OPCML: variants seen among roughly 807,000 people sequenced by gnomAD.
The protein encoded by OPCML is opioid-binding protein/cell adhesion molecule.
A neutral mutation model predicts 37.8 loss-of-function variants in OPCML; 13 were observed. The ratio of observed to expected loss-of-function variants is 0.34; its 90% CI spans 0.22 to 0.55. OPCML has a LOEUF of 0.55. OPCML is among the 20% of genes least tolerant of loss of function. The pLI, the probability that OPCML is intolerant of heterozygous loss-of-function variation, is 0.91. For synonymous variants in OPCML, 176 were observed against 168.8 expected (o/e 1.04, Z -0.33); for missense variants, 341 against 435.6 (o/e 0.78, Z 1.93).
At chr11:132,631,482 C>A (rs1451087690) in intron 3 of OPCML, among the ~76,000 whole-genome samples, 1 of 149,906 alleles carries the variant, frequency 6.7e-6, no homozygotes, top group Admixed American at 6.7e-5. Context: ...TTTTTTGAGA[C>A]GGAGTCTGGC....
At position 133,078,157 on chromosome 11, in the gene OPCML, T is replaced by C. The variant is rs1345492191; in HGVS notation, c.62-135147A>G. On this transcript the variant is annotated intron_variant, in intron 1 of 7. Transcript: ENST00000524381. ...TGTAGAGAAGGGGACCGGACAGACATACTTGAGGTGCACACCAAGCAGGGG... is the reference window on the plus strand; with the variant it reads ...TGTAGAGAAGGGGACCGGACAGACACACTTGAGGTGCACACCAAGCAGGGG... Among the ~76,000 whole-genome samples, 4 of 151,908 alleles carry C rather than the reference T, an allele frequency of 2.6e-5. No individual in the cohort carries two copies. The East Asian group carries it at 5.8e-4, about 22-fold the overall frequency.
At chr11:133,371,181 A>C (rs1944666369) in intron 1 of OPCML, among the ~76,000 whole-genome samples, 1 of 152,236 alleles carries the variant, frequency 6.6e-6, no homozygotes, top group South Asian at 2.1e-4. Flanking sequence ...GAAGATGCAG[A>C]GTAAAGGAGG....
intron 1 of OPCML, among the ~76,000 whole-genome samples, chr11:133,019,848 G>A (rs111260281): frequency 4.8e-4 from 73 of 152,238 alleles, no homozygotes; most frequent in Non-Finnish European, 8.8e-4. Context: ...GTCATTCTCC[G>A]GAATTGCCCT....
chr11:133,085,332 C>A (rs1335394680), intron 1 of OPCML, among the ~76,000 whole-genome samples: 2 of 152,146 alleles, frequency 1.3e-5, no homozygotes, highest in African/African-American at 2.4e-5. Context: ...ATACACAATA[C>A]CTCCTTTCTG....
chr11:132,754,226 A>G (rs1945949206), intron 2 of OPCML, among the ~76,000 whole-genome samples: 1 of 152,108 alleles, frequency 6.6e-6, no homozygotes, highest in African/African-American at 2.4e-5. Context: ...TTACTCCATG[A>G]TATGGTTTGG....
intron 1 of OPCML, among the ~76,000 whole-genome samples, chr11:132,992,232 A>G (rs1946795717): frequency 6.6e-6 from 1 of 152,048 alleles, no homozygotes; most frequent in Non-Finnish European, 1.5e-5. Flanking sequence ...TGTTTAGGCA[A>G]CTGCTTCTGT....
chr11:132,988,377 TATGCTTTTTCCA>T (rs1946718021), intron 1 of OPCML, among the ~76,000 whole-genome samples: 2 of 152,220 alleles, frequency 1.3e-5, no homozygotes, highest in Non-Finnish European at 2.9e-5. Context: ...TGTAGCCCTA[TATGCTTTTTCCA>T]ATGTCTGTCT....
chr11:132,446,469 A>G (rs973380175), intron 4 of OPCML, among the ~76,000 whole-genome samples: 5 of 152,152 alleles, frequency 3.3e-5, no homozygotes, highest in African/African-American at 1.2e-4. Flanking sequence ...GGCCAAAAAA[A>G]GTCGCTAGCA....
rs1269930526 is a variant in OPCML, at chr11:132,469,761, T to TGTGTGTGTATGTGTGGAGGG, written c.506-32422_506-32403dup. Reference sequence around the variant, plus strand: ...GTGTGTATGTGTGGAGGGGTGTGAGTGTGTGTGTATGTGTGGAGGGGTGTG... The same window carrying TGTGTGTGTATGTGTGGAGGG: ...GTGTGTATGTGTGGAGGGGTGTGAGTGTGTGTGTATGTGTGGAGGGGTGTGTGTATGTGTGGAGGGGTGTG... On this transcript the variant is annotated intron_variant, in intron 4 of 7. Coordinates refer to ENST00000524381, the MANE Select transcript of OPCML (RefSeq NM_001012393.5). Among the ~76,000 whole-genome samples the TGTGTGTGTATGTGTGGAGGG allele has an allele frequency of 4.9e-3, 541 of 111,156 alleles. 10 individuals carry two copies. The highest frequency in any genetic ancestry group is 0.039 in the East Asian group (102 of 2,616). 72.9% of individuals were successfully genotyped at this position (111,156 alleles called of 152,430 possible).
chr11:132,708,053 A>G (rs1477068397), intron 2 of OPCML, among the ~76,000 whole-genome samples: 1 of 152,212 alleles, frequency 6.6e-6, no homozygotes, highest in Admixed American at 6.5e-5. Flanking sequence ...CCAAAATTCA[A>G]CTGTTGAGTT....
chr11:132,456,652 T>C (rs1302017654), intron 4 of OPCML, among the ~76,000 whole-genome samples: 1 of 152,206 alleles, frequency 6.6e-6, no homozygotes, highest in East Asian at 1.9e-4. Context: ...CCATGAAGAA[T>C]CAATGGCATT....
intron 1 of OPCML, among the ~76,000 whole-genome samples, chr11:133,327,328 T>A (rs1198036784): frequency 2.0e-5 from 3 of 151,906 alleles, no homozygotes; most frequent in Non-Finnish European, 4.4e-5. Context: ...ATTTGTATAT[T>A]TTGGCACCAG....
intron 3 of OPCML, among the ~76,000 whole-genome samples, chr11:132,548,053 C>T (rs1232334815): frequency 6.6e-6 from 1 of 152,102 alleles, no homozygotes; most frequent in African/African-American, 2.4e-5. Context: ...GCAGAAACAG[C>T]ATTTGGGAGG....
At chr11:132,761,136 T>C (rs192413378) in intron 2 of OPCML, among the ~76,000 whole-genome samples, 144 of 152,306 alleles carry the variant, frequency 9.5e-4, no homozygotes, top group African/African-American at 2.7e-3. Flanking sequence ...CCCACTCTCT[T>C]CTGGCTTGTA....
chr11:133,082,928 C>G (rs1166491847), intron 1 of OPCML, among the ~76,000 whole-genome samples: 2 of 150,374 alleles, frequency 1.3e-5, no homozygotes, highest in South Asian at 4.2e-4. Flanking sequence ...CGCCAGGGGC[C>G]GGGGCGGACG....
chr11:133,199,106 G>A (rs1054762419), intron 1 of OPCML, among the ~76,000 whole-genome samples: 1 of 152,054 alleles, frequency 6.6e-6, no homozygotes, highest in Non-Finnish European at 1.5e-5. Context: ...TGTAAACAAC[G>A]GGGGGCTCTA....
intron 1 of OPCML, among the ~76,000 whole-genome samples, chr11:133,412,971 G>T (rs1302555159): frequency 6.6e-6 from 1 of 152,066 alleles, no homozygotes; most frequent in East Asian, 1.9e-4. Context: ...TCTTTGGGAG[G>T]ACTTACATTT....
At chr11:133,134,121 A>G (rs1949646155) in intron 1 of OPCML, among the ~76,000 whole-genome samples, 3 of 152,104 alleles carry the variant, frequency 2.0e-5, no homozygotes, top group Non-Finnish European at 4.4e-5. Context: ...GCTGCCTGCA[A>G]GCTTGTGTAT....
intron 2 of OPCML, among the ~76,000 whole-genome samples, chr11:132,688,191 C>A (rs1467854654): frequency 1.3e-5 from 2 of 151,032 alleles, no homozygotes; most frequent in South Asian, 2.1e-4. Flanking sequence ...ATGATTCTTG[C>A]CGAAAATTAA....
Sources: gnomAD v4.1 joint callset for allele counts (sites outside exome capture counted in the v4.1 genomes callset) on GRCh38, gnomAD v4.1.1 for gene constraint, MANE v1.5 for transcripts, NCBI Gene and HGNC (gene_info 2026-07-23, HGNC 2026-07-21) for gene names.